Variants in PIEZO2 observed in about 807,000 individuals in gnomAD.
The protein encoded by PIEZO2 is piezo type mechanosensitive ion channel component 2, also known as piezo-type mechanosensitive ion channel component 2.
PIEZO2 carries 172 observed loss-of-function variants against 337.3 expected under a neutral mutation model. The ratio of observed to expected loss-of-function variants is 0.51; its 90% CI spans 0.45 to 0.58. The LOEUF is 0.58. PIEZO2 is among the 20% of genes least tolerant of loss of function. The pLI is 0.00. For missense variants in PIEZO2, 3,028 were observed against 3,391.3 expected, an observed-to-expected ratio of 0.89 and a Z score of 2.66; for synonymous variants, 1,251 against 1,228.5, an observed-to-expected ratio of 1.02 and a Z score of -0.38.
intron 1 of PIEZO2, among the ~76,000 whole-genome samples, chr18:11,066,720 C>T (rs1003985337): frequency 6.6e-6 from 1 of 152,150 alleles, no homozygotes; most frequent in Non-Finnish European, 1.5e-5. Context: ...CTGTCTCAGC[C>T]TCCCAAGTAG....
chr18:10,951,288 A>G (rs2033284213), intron 3 of PIEZO2, among the ~76,000 whole-genome samples: 2 of 152,176 alleles, frequency 1.3e-5, no homozygotes, highest in African/African-American at 4.8e-5. Flanking sequence ...TGTTTCTCAG[A>G]CATACCAAAG....
intron 42 of PIEZO2, among the ~76,000 whole-genome samples, chr18:10,704,015 C>G (rs1001996505): frequency 2.0e-5 from 3 of 152,270 alleles, no homozygotes; most frequent in East Asian, 1.9e-4. Context: ...TCTGCAGAAG[C>G]CTGTTATCGT....
rs2037267148 is a variant in PIEZO2, at chr18:10,742,581, T to C, written c.4549A>G (p.Lys1517Glu). ...CTCAGCATCCTCTCCTTACCCTTTT[T>C]ATATTTCTGTTGCCTGGCCTTGATG... ...DRIKARQQKY[K>E]KGKERMLSLT... is the part of the protein sequence containing the mutation. The change falls in exon 32 of 56, where the codon AAA becomes GAA. Residue 1517 changes from lysine to glutamate, a missense_variant. Physicochemically the swap from Lys to Glu is moderately conservative, Grantham distance 56. Coordinates refer to ENST00000674853, the MANE Select transcript of PIEZO2 (RefSeq NM_001378183.1). 3 of 1,537,220 alleles carry C rather than the reference T, an allele frequency of 2.0e-6. No homozygotes were observed. The highest frequency in any genetic ancestry group is 2.4e-5 in the East Asian group (1 of 40,914).
At chr18:10,914,761 T>C (rs1279136580) in intron 3 of PIEZO2, among the ~76,000 whole-genome samples, 1 of 152,094 alleles carries the variant, frequency 6.6e-6, no homozygotes, top group Non-Finnish European at 1.5e-5. Context: ...AACTGTCCTT[T>C]GTAGATCCAG....
At chr18:10,904,328 C>T (rs775733374) in intron 4 of PIEZO2, among the ~76,000 whole-genome samples, 1 of 152,220 alleles carries the variant, frequency 6.6e-6, no homozygotes, top group East Asian at 1.9e-4. Context: ...TTACCGCTTG[C>T]TTTTGCCTCT....
chr18:10,807,184 G>A lies in PIEZO2; in HGVS notation c.1008C>T (p.Ala336=). ...ACATCACCAGCAGGAGGATAGGGTT[G>A]GCGTGGTGGTACCACGACAGGTCCG... ...VNPDLSWYHH[A]NPILLLVMYY... is the part of the protein sequence containing the mutation. Residue 336 remains alanine (A), a synonymous_variant, in exon 8 of 56, where the codon GCC becomes GCT. Transcript: ENST00000674853. 6.5e-7 allele frequency: 1 copy of A among 1,537,202 alleles called. No individual in the cohort carries two copies.
intron 18 of PIEZO2, 100 bp downstream of exon 18, chr18:10,780,225 T>G: frequency 1.5e-6 from 1 of 684,310 alleles, no homozygotes; most frequent in Non-Finnish European, 2.7e-6. Flanking sequence ...CAGTGTCCAC[T>G]ATCTGACAAC....
At chr18:10,705,307 T>A (rs1490530187) in intron 41 of PIEZO2, 29 bp downstream of exon 41, 1 of 1,484,704 alleles carries the variant, frequency 6.7e-7, no homozygotes, top group Non-Finnish European at 8.9e-7. Context: ...TTTGGGGATA[T>A]GTGTCTGATC....
In PIEZO2 at chr18:10,857,157, T is replaced by C; in HGVS notation, c.547A>G (p.Asn183Asp). Residue 183 changes from asparagine to aspartate, a missense_variant, in exon 6 of 56, where the codon AAT (asparagine) becomes GAT (aspartate). Physicochemically the swap from Asn to Asp is conservative, Grantham distance 23. Transcript: ENST00000674853. ...TCGCCTTCAACACCATCTCCTCCAT[T>C]GAAATCCTCTTCATAGATCAGTGCC... Reference protein sequence around the residue: ...EEALIYEEDFNGGDGVEGELE... With the variant: ...EEALIYEEDFDGGDGVEGELE... 1 of 1,537,904 alleles carries C rather than the reference T, an allele frequency of 6.5e-7. No individual in the cohort carries two copies. The highest frequency in any genetic ancestry group is 8.7e-7 in the Non-Finnish European group (1 of 1,147,050).
intron 51 of PIEZO2, 53 bp from the exon 52 acceptor site, chr18:10,680,424 T>C: frequency 1.3e-6 from 2 of 1,502,522 alleles, no homozygotes; most frequent in East Asian, 2.3e-5. Context: ...TCATGCTGTA[T>C]AAAGAAAGCA....
chr18:10,671,980 T>C (rs912508741), intron 55 of PIEZO2, among the ~76,000 whole-genome samples: 2 of 152,230 alleles, frequency 1.3e-5, no homozygotes, highest in Non-Finnish European at 2.9e-5. Flanking sequence ...GAATTATGTA[T>C]TACAGAACTG....
At chr18:11,084,306 G>A (rs934301477) in intron 1 of PIEZO2, among the ~76,000 whole-genome samples, 5 of 151,260 alleles carry the variant, frequency 3.3e-5, no homozygotes, top group Admixed American at 2.0e-4. Context: ...ATCAAATTTT[G>A]TAGGGCATGT....
chr18:10,760,829 G>C, intron 24 of PIEZO2, 82 bp downstream of exon 24: 1 of 1,171,864 alleles, frequency 8.5e-7, no homozygotes, highest in Non-Finnish European at 1.2e-6. Flanking sequence ...GTATCACAAA[G>C]TTCCAGTGGC....
At chr18:10,757,310 T>C (rs2037911951) in intron 27 of PIEZO2, among the ~76,000 whole-genome samples, 1 of 122,530 alleles carries the variant, frequency 8.2e-6, no homozygotes, top group African/African-American at 3.2e-5. Context: ...GGATGAGGGA[T>C]TAAGGATGAG....
At chr18:10,934,035 G>C (rs1350549832) in intron 3 of PIEZO2, among the ~76,000 whole-genome samples, 1 of 152,220 alleles carries the variant, frequency 6.6e-6, no homozygotes, top group Non-Finnish European at 1.5e-5. Context: ...TTTATTTGCA[G>C]CATGAGAACA....
chr18:11,089,500 A>G (rs2039007259), intron 1 of PIEZO2, among the ~76,000 whole-genome samples: 1 of 152,150 alleles, frequency 6.6e-6, no homozygotes, highest in South Asian at 2.1e-4. Context: ...TTAAGAGATA[A>G]GCTTGTATAA....
chr18:10,762,668 G>A (rs1230642951), intron 22 of PIEZO2, 43 bp from the exon 23 acceptor site: 10 of 1,526,248 alleles, frequency 6.6e-6, no homozygotes, highest in South Asian at 4.8e-5. Flanking sequence ...TAGCTCCACA[G>A]ATTAGGAGAG....
intron 37 of PIEZO2, among the ~76,000 whole-genome samples, chr18:10,717,263 TGA>T (rs2036048815): frequency 6.6e-6 from 1 of 152,220 alleles, no homozygotes; most frequent in African/African-American, 2.4e-5. Flanking sequence ...TGTTACGGTG[TGA>T]GGCTTTGCAG....
rs1338768530 is a variant in PIEZO2 at position 11,092,767 on chromosome 18, T to C, written c.65-26545A>G. 2.0e-5 allele frequency among the ~76,000 whole-genome samples: 3 copies of C among 152,130 alleles called. No individual in the cohort carries two copies. The highest frequency in any genetic ancestry group is 4.4e-5 in the Non-Finnish European group (3 of 68,030). Reference sequence around the variant, plus strand: ...CCTTTTAGTAATGTAGCCTATGTGATTGGGGTCGGAACTGAGAACATTTAT... The same window carrying C: ...CCTTTTAGTAATGTAGCCTATGTGACTGGGGTCGGAACTGAGAACATTTAT... On this transcript the variant is annotated intron_variant, in intron 1 of 55. Coordinates refer to ENST00000674853, the MANE Select transcript of PIEZO2 (RefSeq NM_001378183.1). This position sits in a 1 kb window ranked among gnomAD's most constrained non-coding sequence, Gnocchi z 4.5.
Sources: allele counts gnomAD v4.1 joint callset (sites outside exome capture counted in the v4.1 genomes callset), GRCh38; gene constraint gnomAD v4.1.1; non-coding constraint Gnocchi (gnomAD v3.1); transcripts MANE v1.5; gene names NCBI Gene and HGNC (gene_info 2026-07-23, HGNC 2026-07-21).